Variants in KCND2 observed in about 807,000 individuals in gnomAD.
The protein encoded by KCND2 is potassium voltage-gated channel subfamily D member 2.
In KCND2, 16 loss-of-function variants were observed where a neutral mutation model predicts 54.4. The observed-to-expected ratio is 0.29, with a 90% CI of 0.20 to 0.45. KCND2 has a LOEUF of 0.45. KCND2 is among the 20% of genes least tolerant of loss of function. The pLI is 1.00. For missense variants in KCND2, 486 were observed against 824.2 expected, an observed-to-expected ratio of 0.59 and a Z score of 5.02; for synonymous variants, 317 against 310.7, an observed-to-expected ratio of 1.02 and a Z score of -0.21.
chr7:120,739,798 AACACACAC>A (rs10571787), intron 2 of KCND2, among the ~76,000 whole-genome samples: 5,348 of 144,034 alleles, frequency 0.037, 305 homozygotes, highest in African/African-American at 0.12. Flanking sequence ...TAACAAAAGA[AACACACAC>A]ACACACACAC....
chr7:120,490,357 T>A (rs1183231700), intron 1 of KCND2, among the ~76,000 whole-genome samples: 7 of 152,196 alleles, frequency 4.6e-5, no homozygotes, highest in African/African-American at 1.7e-4. Flanking sequence ...AGCTCATCAC[T>A]GTTTTGTGAT....
At chr7:120,304,661 C>T (rs557832366) in intron 1 of KCND2, among the ~76,000 whole-genome samples, 2 of 152,234 alleles carry the variant, frequency 1.3e-5, no homozygotes, top group Admixed American at 6.6e-5. Flanking sequence ...TCTCTTTCTC[C>T]TTCCATATTT....
At chr7:120,741,048 A>T (rs1336526992) in intron 2 of KCND2, among the ~76,000 whole-genome samples, 1 of 126,208 alleles carries the variant, frequency 7.9e-6, no homozygotes, top group African/African-American at 3.6e-5. Flanking sequence ...AATGATTCTT[A>T]AAAAAAAAAA....
At chr7:120,524,948 A>T (rs1791755227) in intron 1 of KCND2, among the ~76,000 whole-genome samples, 1 of 151,992 alleles carries the variant, frequency 6.6e-6, no homozygotes, top group Non-Finnish European at 1.5e-5. Context: ...TTTACTTGGA[A>T]CTCATATTTC....
intron 1 of KCND2, among the ~76,000 whole-genome samples, chr7:120,483,147 A>G (rs1260664947): frequency 6.6e-6 from 1 of 152,190 alleles, no homozygotes; most frequent in African/African-American, 2.4e-5. Flanking sequence ...TTTATCGATT[A>G]TGGACTGAAC....
chr7:120,584,097 T>G (rs1792556901), intron 1 of KCND2, among the ~76,000 whole-genome samples: 1 of 152,212 alleles, frequency 6.6e-6, no homozygotes, highest in Non-Finnish European at 1.5e-5. Flanking sequence ...CTCTTGAAAC[T>G]GAGGTAAACA....
intron 1 of KCND2, among the ~76,000 whole-genome samples, chr7:120,604,099 A>G (rs1253209159): frequency 1.3e-5 from 2 of 152,202 alleles, no homozygotes; most frequent in Non-Finnish European, 2.9e-5. Flanking sequence ...TAAAACATTT[A>G]ATAGAGGGTT....
At chr7:120,320,948 A>G (rs1297817207) in intron 1 of KCND2, among the ~76,000 whole-genome samples, 1 of 152,136 alleles carries the variant, frequency 6.6e-6, no homozygotes, top group East Asian at 1.9e-4. Context: ...TAGCTTATGA[A>G]TGAGTGAAGA....
At chr7:120,295,747 A>G (rs1373546480) in intron 1 of KCND2, among the ~76,000 whole-genome samples, 2 of 152,044 alleles carry the variant, frequency 1.3e-5, no homozygotes, top group East Asian at 3.8e-4. Flanking sequence ...TTTATGCCTT[A>G]CAGAAACTTT....
At chr7:120,327,692 GA>G (rs989248701) in intron 1 of KCND2, among the ~76,000 whole-genome samples, 8 of 151,644 alleles carry the variant, frequency 5.3e-5, no homozygotes, top group African/African-American at 1.7e-4. Context: ...TGCAAACTCA[GA>G]TCTTTGAAAG....
chr7:120,275,166 C>A lies in KCND2; in HGVS notation c.534C>A (p.Pro178=). Residue 178 remains proline, a synonymous_variant, in exon 1 of 6, where the codon CCC becomes CCA. Coordinates refer to ENST00000331113, the MANE Select transcript of KCND2 (RefSeq NM_012281.3). ...RQRVWRAFEN[P]HTSTMALVFY... is the part of the protein sequence containing the mutation. ...GGGTCTGGAGGGCCTTCGAGAACCC[C>A]CACACCAGCACGATGGCCCTGGTGT... 6.2e-7 allele frequency: 1 copy of A among 1,614,064 alleles called. No individual in the cohort carries two copies. Among genetic ancestry groups the A allele is most frequent in the Non-Finnish European group, 8.5e-7 (1 of 1,180,012 alleles).
intron 1 of KCND2, among the ~76,000 whole-genome samples, chr7:120,477,201 T>C (rs1802545829): frequency 6.6e-6 from 1 of 152,214 alleles, no homozygotes; most frequent in Non-Finnish European, 1.5e-5. Context: ...AGAGTGGCAT[T>C]CTGAGCTTCA....
chr7:120,392,203 T>G (rs554765935), intron 1 of KCND2, among the ~76,000 whole-genome samples: 17 of 152,196 alleles, frequency 1.1e-4, no homozygotes, highest in Non-Finnish European at 2.4e-4. Flanking sequence ...TTTGTCAGGT[T>G]TGTTGAAGAT....
intron 1 of KCND2, among the ~76,000 whole-genome samples, chr7:120,470,734 G>A (rs1170893501): frequency 6.6e-6 from 1 of 151,924 alleles, no homozygotes; most frequent in Non-Finnish European, 1.5e-5. Flanking sequence ...AGGAATTATT[G>A]TATATAAGGA....
chr7:120,721,380 G>A (rs1792663912), intron 1 of KCND2, among the ~76,000 whole-genome samples: 1 of 152,092 alleles, frequency 6.6e-6, no homozygotes. Context: ...CCTAAGAAGA[G>A]GCAAAATAAT....
At chr7:120,397,655 G>A (rs868573864) in intron 1 of KCND2, among the ~76,000 whole-genome samples, 4 of 151,830 alleles carry the variant, frequency 2.6e-5, no homozygotes, top group African/African-American at 7.3e-5. Context: ...AAAAGCGACA[G>A]GAAGTGTATA....
intron 1 of KCND2, among the ~76,000 whole-genome samples, chr7:120,326,132 T>C (rs1799970570): frequency 6.6e-6 from 1 of 152,128 alleles, no homozygotes; most frequent in Non-Finnish European, 1.5e-5. Flanking sequence ...TAAATACTTA[T>C]ATTGAGTAAA....
At chr7:120,685,421 G>C (rs945177180) in intron 1 of KCND2, among the ~76,000 whole-genome samples, 5 of 152,260 alleles carry the variant, frequency 3.3e-5, no homozygotes, top group African/African-American at 1.2e-4. Flanking sequence ...CCTCTTATCA[G>C]ATTACAATGG....
intron 1 of KCND2, among the ~76,000 whole-genome samples, chr7:120,434,900 C>A (rs1333384644): frequency 6.6e-6 from 1 of 151,704 alleles, no homozygotes; most frequent in African/African-American, 2.4e-5. Flanking sequence ...TGATCATTGT[C>A]CATTAGTAGA....
Sources: allele counts gnomAD v4.1 joint callset (sites outside exome capture counted in the v4.1 genomes callset), GRCh38; gene constraint gnomAD v4.1.1; transcripts MANE v1.5; gene names NCBI Gene and HGNC (gene_info 2026-07-23, HGNC 2026-07-21).